Variants in ABITRAM observed in about 807,000 individuals in gnomAD.
ABITRAM encodes the protein protein Abitram.
Under a neutral mutation model 22.9 loss-of-function variants are expected in ABITRAM, and 19 were observed. That is an observed-to-expected ratio of 0.83 (90% CI 0.58 to 1.22). The LOEUF is 1.22. ABITRAM is among the 50% of genes most tolerant of loss of function. The pLI is 0.00. For synonymous variants in ABITRAM, 70 were observed against 73.9 expected (o/e 0.95, Z 0.27); for missense variants, 215 against 220.2 (o/e 0.98, Z 0.15).
At chr9:108,942,872 C>T, downstream of ABITRAM, 1 of 1,611,408 alleles carries the variant, frequency 6.2e-7, no homozygotes, top group Non-Finnish European at 8.5e-7. Context: ...TGGTTTCACT[C>T]TGAAAAAAAA....
At chr9:108,943,385 C>G (rs1830303941), downstream of ABITRAM, among the ~76,000 whole-genome samples, 1 of 152,184 alleles carries the variant, frequency 6.6e-6, no homozygotes, top group Non-Finnish European at 1.5e-5. Flanking sequence ...TGGGCACAAA[C>G]CCATATTCTC....
At chr9:108,934,648 C>T in intron 1 of ABITRAM, 83 bp downstream of exon 1, 1 of 1,331,840 alleles carries the variant, frequency 7.5e-7, no homozygotes, top group Non-Finnish European at 1.0e-6. Context: ...ATAAGCCACG[C>T]GCGCTCTCCC....
At chr9:108,944,146 A>G (rs370590575), downstream of ABITRAM, 8 of 882,902 alleles carry the variant, frequency 9.1e-6, no homozygotes, top group African/African-American at 1.4e-4. Flanking sequence ...TCTGTCAGGA[A>G]CTCCTAAACT....
At chr9:108,945,825 A>G (rs895604756), downstream of ABITRAM, among the ~76,000 whole-genome samples, 1 of 152,024 alleles carries the variant, frequency 6.6e-6, no homozygotes, top group Non-Finnish European at 1.5e-5. Flanking sequence ...GAATCTGCAG[A>G]TGCAAAACCT....
chr9:108,947,529 A>G (rs1211087956), intron 3 of ABITRAM, among the ~76,000 whole-genome samples: 1 of 152,214 alleles, frequency 6.6e-6, no homozygotes, highest in African/African-American at 2.4e-5. Flanking sequence ...GGTTCTAGAG[A>G]GGCAAACAGG....
chr9:108,944,628 A>G (rs1305256203), downstream of ABITRAM, among the ~76,000 whole-genome samples: 1 of 152,220 alleles, frequency 6.6e-6, no homozygotes, highest in Non-Finnish European at 1.5e-5. Flanking sequence ...AGACAGAAGT[A>G]TTTAGCATAT....
At chr9:108,949,176 G>C (rs1476604799) in intron 3 of ABITRAM, among the ~76,000 whole-genome samples, 2 of 152,054 alleles carry the variant, frequency 1.3e-5, no homozygotes, top group Admixed American at 1.3e-4. Flanking sequence ...ACTGCTACAA[G>C]GTATTTATCT....
chr9:108,942,703 TC>T, downstream of ABITRAM: 1 of 1,027,148 alleles, frequency 9.7e-7, no homozygotes. Flanking sequence ...AGATAAAGGA[TC>T]ATTTGATTTT....
In ABITRAM at chr9:108,947,115, CT is replaced by C. The variant is rs34477684; in HGVS notation, c.262-3376del. The stretch of plus-strand genomic sequence containing the variant: ...GTGATAAAGTGATAGAAATTTCTTT[CT>C]TTTTTTTTTTTTTTTGAGATGGAGT... On this transcript the variant is annotated intron_variant, in intron 3 of 3. Coordinates refer to the ABITRAM transcript ENST00000374624. Among the ~76,000 whole-genome samples the C allele has an allele frequency of 1.7e-3, 226 of 136,232 alleles. 1 individual carries two copies. The highest frequency in any genetic ancestry group is 2.2e-3 in the African/African-American group (80 of 37,016). 89.4% of individuals were successfully genotyped at this position (136,232 alleles called of 152,430 possible).
downstream of ABITRAM, chr9:108,942,586 C>T (rs1489163399): frequency 5.3e-6 from 3 of 569,662 alleles, no homozygotes; most frequent in African/African-American, 3.8e-5. Context: ...CTAGCAATTA[C>T]CAAGACATTT....
At chr9:108,938,196 C>T (rs1469331879) in intron 3 of ABITRAM, among the ~76,000 whole-genome samples, 1 of 152,192 alleles carries the variant, frequency 6.6e-6, no homozygotes, top group African/African-American at 2.4e-5. Flanking sequence ...TCTTTTAACA[C>T]AAGCCTTCCC....
chr9:108,950,448 A>G, intron 3 of ABITRAM: 5 of 1,523,866 alleles, frequency 3.3e-6, no homozygotes, highest in African/African-American at 1.4e-5. Flanking sequence ...GTACTGACAA[A>G]TGACAGCTAA....
rs1302890550 is a variant in ABITRAM at position 108,940,805 on chromosome 9, A to G, written c.*1119A>G. 1 of 152,164 alleles carries G rather than the reference A, an allele frequency of 6.6e-6. No individual in the cohort carries two copies. Among genetic ancestry groups the G allele is most frequent in the African/African-American group, 2.4e-5 (1 of 41,454 alleles). The allele number at this position is 152,164 out of a possible 1,614,324, so 9.4% of individuals were successfully genotyped here. On this transcript the variant is annotated 3_prime_UTR_variant, in exon 6 of 6. Transcript: ENST00000322940. ...GCTTTCACATCATTTAAAGTAAAAAAAAACCTCCAACAACTGTGAATTTAT... is the reference window on the plus strand; with the variant it reads ...GCTTTCACATCATTTAAAGTAAAAAGAAACCTCCAACAACTGTGAATTTAT...
intron 3 of ABITRAM, among the ~76,000 whole-genome samples, chr9:108,937,305 A>C (rs758282888): frequency 3.3e-5 from 5 of 152,234 alleles, no homozygotes; most frequent in South Asian, 2.1e-4. Flanking sequence ...ATAGAATGCT[A>C]TCTCTACCCT....
In ABITRAM at chr9:108,940,786, A is replaced by G. The variant is rs1386894263; in HGVS notation, c.*1100A>G. On this transcript the variant is annotated 3_prime_UTR_variant, in exon 6 of 6. Transcript: ENST00000322940. ...GCCTTTGAATGGAACAAATGCTTTC[A>G]CATCATTTAAAGTAAAAAAAAACCT... is the stretch of plus-strand genomic sequence containing the variant. 1 of 152,138 alleles carries G rather than the reference A, an allele frequency of 6.6e-6. No individual in the cohort carries two copies. The allele number at this position is 152,138 out of a possible 1,614,324, so 9.4% of individuals were successfully genotyped here.
At chr9:108,939,121 T>G in intron 3 of ABITRAM, 75 bp from the exon 4 acceptor site, 1 of 1,218,894 alleles carries the variant, frequency 8.2e-7, no homozygotes, top group Non-Finnish European at 1.2e-6. Flanking sequence ...CATCCTGTTA[T>G]ACACCTAAGG....
chr9:108,946,231 G>A (rs925985582), intron 3 of ABITRAM, among the ~76,000 whole-genome samples: 3 of 151,678 alleles, frequency 2.0e-5, no homozygotes, highest in South Asian at 2.1e-4. Flanking sequence ...CCCGGGAGGC[G>A]GAGGCTGTAG....
intron 5 of ABITRAM, 40 bp from the exon 6 acceptor site, chr9:108,939,509 T>A: frequency 6.2e-7 from 1 of 1,605,118 alleles, no homozygotes; most frequent in East Asian, 2.2e-5. Flanking sequence ...TTGGTTTTTT[T>A]TTCATCGTTT....
At chr9:108,946,192 G>T (rs929316317) in intron 3 of ABITRAM, among the ~76,000 whole-genome samples, 2 of 151,842 alleles carry the variant, frequency 1.3e-5, no homozygotes, top group South Asian at 2.1e-4. Flanking sequence ...CCAGCTACTC[G>T]GGAGGCTGAG....
Sources: gnomAD v4.1 joint callset for allele counts (sites outside exome capture counted in the v4.1 genomes callset) on GRCh38, gnomAD v4.1.1 for gene constraint, MANE v1.5 for transcripts, NCBI Gene and HGNC (gene_info 2026-07-23, HGNC 2026-07-21) for gene names.